The following MCPH1 variants were observed in gnomAD, a reference collection of about 807,000 sequenced individuals.
The protein encoded by MCPH1 is microcephalin 1, also known as microcephalin.
In MCPH1, 104 loss-of-function variants were observed where a neutral mutation model predicts 84.5. The observed-to-expected ratio is 1.23, with a 90% CI of 1.05 to 1.45. The LOEUF (loss-of-function observed/expected upper bound fraction) is 1.45. MCPH1 is among the 40% of genes most tolerant of loss of function. MCPH1 has a pLI of 0.00. For synonymous variants in MCPH1, 514 were observed against 366.8 expected (o/e 1.40, Z -4.58); for missense variants, 1,498 against 1,005.7 (o/e 1.49, Z -6.62).
At chr8:6,505,295 AT>A (rs1813194791) in intron 12 of MCPH1, among the ~76,000 whole-genome samples, 1 of 73,748 alleles carries the variant, frequency 1.4e-5, no homozygotes, top group African/African-American at 7.5e-5. Context: ...TGTTATATAC[AT>A]ATATATGTAT....
At chr8:6,470,725 C>G (rs1246178666) in intron 9 of MCPH1, among the ~76,000 whole-genome samples, 1 of 152,280 alleles carries the variant, frequency 6.6e-6, no homozygotes, top group African/African-American at 2.4e-5. Context: ...CGATGCCCTG[C>G]CAGTGGCCAT....
intron 12 of MCPH1, among the ~76,000 whole-genome samples, chr8:6,528,336 T>C (rs1818773969): frequency 6.6e-6 from 1 of 152,260 alleles, no homozygotes; most frequent in South Asian, 2.1e-4. Context: ...TCATATTTCA[T>C]AGGTGGAAAG....
At chr8:6,626,861 G>A (rs1293277231) in intron 13 of MCPH1, 2 of 985,066 alleles carry the variant, frequency 2.0e-6, no homozygotes, top group Non-Finnish European at 2.4e-6. Flanking sequence ...AGGCTGGCTT[G>A]GCCTTTCTCA....
rs1305752374 is a variant in MCPH1, at chr8:6,621,297, TCTC to T, written c.2215-156_2215-154del. 4.7e-5 allele frequency: 43 copies of T among 921,034 alleles called. No homozygotes were observed. In the East Asian group the frequency reaches 6.0e-4, roughly 13 times the overall value. 57.1% of individuals were successfully genotyped at this position (921,034 alleles called of 1,614,324 possible). ...TTTTATGTCATTAATGTCATCATCTTCTCTGGATTCTCAGAATTCAAAATTCAC... is the reference window on the plus strand; with the variant it reads ...TTTTATGTCATTAATGTCATCATCTTTGGATTCTCAGAATTCAAAATTCAC... On this transcript the variant is annotated intron_variant, in intron 12 of 13. Transcript: ENST00000344683.
Position 6,480,708 on chromosome 8 carries a change from T to A in MCPH1, c.1974-6T>A. 6.2e-7 allele frequency: 1 copy of A among 1,614,158 alleles called. No individual in the cohort carries two copies. Among genetic ancestry groups the A allele is most frequent in the South Asian group, 1.1e-5 (1 of 91,074 alleles). On this transcript the variant is annotated splice_region_variant and splice_polypyrimidine_tract_variant and intron_variant, in intron 10 of 13. Coordinates refer to ENST00000344683, the MANE Select transcript of MCPH1 (RefSeq NM_024596.5). ...CATTTTGTTAATTTTTCCCCCGATTTGACAGAAAGCAGAATGTCGTCATCC... is the reference window on the plus strand; with the variant it reads ...CATTTTGTTAATTTTTCCCCCGATTAGACAGAAAGCAGAATGTCGTCATCC...
At chr8:6,635,843 G>A (rs917011225) in intron 13 of MCPH1, among the ~76,000 whole-genome samples, 1 of 152,174 alleles carries the variant, frequency 6.6e-6, no homozygotes, top group African/African-American at 2.4e-5. Context: ...GCACAGCATG[G>A]TTGGGAGAGC....
At position 6,406,781 on chromosome 8, in the gene MCPH1, G is replaced by A. The variant is rs925101539; in HGVS notation, c.22+92G>A. 1.4e-5 allele frequency: 19 copies of A among 1,371,704 alleles called. No individual in the cohort carries two copies. The Admixed American group carries it at 2.2e-4, about 16-fold the overall frequency. 85.0% of individuals were successfully genotyped at this position (1,371,704 alleles called of 1,614,324 possible). ...GCACTCGGGGGATCCCGTGGGAGGA[G>A]CCCCGCTCGCCCCTCCCTCGCTGCC... On this transcript the variant is annotated intron_variant, in intron 1 of 13. Transcript: ENST00000344683.
chr8:6,508,865 G>C, intron 12 of MCPH1: 1 of 1,604,434 alleles, frequency 6.2e-7, no homozygotes, highest in Non-Finnish European at 8.5e-7. Context: ...AGTCCAAATT[G>C]CCAGCCTTTC....
At chr8:6,570,337 C>T (rs369393820) in intron 12 of MCPH1, among the ~76,000 whole-genome samples, 7 of 152,216 alleles carry the variant, frequency 4.6e-5, no homozygotes, top group East Asian at 3.9e-4. Flanking sequence ...GCATTGACTC[C>T]GTAGAATTCC....
At chr8:6,483,152 C>A (rs972172753) in intron 11 of MCPH1, among the ~76,000 whole-genome samples, 3 of 152,086 alleles carry the variant, frequency 2.0e-5, no homozygotes, top group Non-Finnish European at 2.9e-5. Context: ...CTGAAAACTA[C>A]AAAATACTGA....
In MCPH1 at chr8:6,647,071, ACC is replaced by A. The variant is rs1473992481; in HGVS notation, c.*4024_*4025del. 2.0e-5 allele frequency: 3 copies of A among 152,236 alleles called. No homozygotes were observed. The highest frequency in any genetic ancestry group is 4.4e-5 in the Non-Finnish European group (3 of 68,046). The allele number at this position is 152,236 out of a possible 1,614,324, so 9.4% of individuals were successfully genotyped here. A position where few individuals can be genotyped will look rare whatever the true frequency, so the allele number is the denominator to read the frequency against. ...ATCATATATCTGATAAAGGACTTGT[ACC>A]CAGACCATGTAAAGAACTCATAACT... On this transcript the variant is annotated 3_prime_UTR_variant, in exon 14 of 14. Transcript: ENST00000344683.
intron 12 of MCPH1, among the ~76,000 whole-genome samples, chr8:6,540,244 G>A (rs566080684): frequency 1.3e-5 from 2 of 151,954 alleles, no homozygotes; most frequent in Admixed American, 6.5e-5. Flanking sequence ...TTACCTCTTT[G>A]TGTGTTTCCC....
chr8:6,532,424 G>C, intron 12 of MCPH1: 1 of 1,614,000 alleles, frequency 6.2e-7, no homozygotes, highest in Non-Finnish European at 8.5e-7. Context: ...GTCTGGTTCT[G>C]TACTGCATTC....
rs2129577763 is a variant in MCPH1, at chr8:6,593,012, C to G, written c.2215-28442C>G. Among the ~76,000 whole-genome samples the G allele has an allele frequency of 2.0e-5, 3 of 150,618 alleles. No individual in the cohort carries two copies. In the South Asian group the frequency reaches 6.3e-4, roughly 32 times the overall value. ...CCCTACACCCCAAATAAACACAGAG[C>G]TTTATTCCTGCCTCAGTCAAATTGC... On this transcript the variant is annotated intron_variant, in intron 12 of 13. Transcript: ENST00000344683.
chr8:6,620,856 T>C (rs749028786), intron 12 of MCPH1: 9 of 159,416 alleles, frequency 5.6e-5, no homozygotes, highest in African/African-American at 1.9e-4. Flanking sequence ...CAACAGCTCA[T>C]TGAAACAATC....
rs1317333429 is a variant in MCPH1, at chr8:6,645,730, T to G, written c.*2681T>G. ...CTAACAGAATTGTATTTATATATAC[T>G]GTCAATAAGCAATTCAAAATGAAAT... On this transcript the variant is annotated 3_prime_UTR_variant, in exon 14 of 14. Coordinates refer to ENST00000344683, the MANE Select transcript of MCPH1 (RefSeq NM_024596.5). 1.3e-5 allele frequency: 2 copies of G among 151,944 alleles called. No individual in the cohort carries two copies. The highest frequency in any genetic ancestry group is 4.8e-5 in the African/African-American group (2 of 41,388). 9.4% of individuals were successfully genotyped at this position (151,944 alleles called of 1,614,324 possible).
chr8:6,453,217 A>G (rs2034143), intron 8 of MCPH1, among the ~76,000 whole-genome samples: 105,453 of 152,084 alleles, frequency 0.69, 39,948 homozygotes, highest in Non-Finnish European at 0.83. Flanking sequence ...TCTTTCCACA[A>G]ATGTTTTCAG....
Position 6,444,727 on chromosome 8 carries a change from C to A in MCPH1, c.1005C>A (p.Thr335=), listed in dbSNP as rs755771006. The A allele has an allele frequency of 7.4e-6, 12 of 1,613,942 alleles. No homozygotes were observed. Among genetic ancestry groups the A allele is most frequent in the Non-Finnish European group, 1.0e-5 (12 of 1,180,012 alleles). The change falls in exon 8 of 14, where the codon ACC becomes ACA. Residue 335 remains threonine (T), a synonymous_variant. Transcript: ENST00000344683. ...AAGAGAAGTATCGTTTGTCTCCTACCTTATCTTCAACAAAAGGCCACCTTT... is the reference window on the plus strand; with the variant it reads ...AAGAGAAGTATCGTTTGTCTCCTACATTATCTTCAACAAAAGGCCACCTTT... ...TFEEKYRLSP[T]LSSTKGHLLI...
rs373762532 is a variant in MCPH1, at chr8:6,444,840, G to C, written c.1118G>C (p.Arg373Thr). Residue 373 changes from arginine to threonine, a missense_variant, in exon 8 of 14, where the codon AGA becomes ACA. Physicochemically the swap from Arg to Thr is moderately conservative, Grantham distance 71 (BLOSUM62 -1). Transcript: ENST00000344683. ...TCACCTCCGAAGGAAAAATGCAAGA[G>C]AAAGAGGAGCACCAGGAGATCTATC... The part of the protein sequence containing the change: ...SHSPPKEKCK[R>T]KRSTRRSIMP... 1.3e-5 allele frequency: 21 copies of C among 1,614,086 alleles called. No homozygotes were observed. In the African/African-American group the frequency reaches 2.1e-4, roughly 16 times the overall value.
Sources: allele counts gnomAD v4.1 joint callset (sites outside exome capture counted in the v4.1 genomes callset), GRCh38; gene constraint gnomAD v4.1.1; transcripts MANE v1.5; gene names NCBI Gene and HGNC (gene_info 2026-07-23, HGNC 2026-07-21).